Variants in WDR12 observed in about 807,000 individuals in gnomAD.
WDR12 encodes the protein ribosome biogenesis protein WDR12.
A neutral mutation model predicts 64.3 loss-of-function variants in WDR12; 42 were observed. The ratio of observed to expected loss-of-function variants is 0.65; its 90% CI spans 0.51 to 0.84. The LOEUF (loss-of-function observed/expected upper bound fraction) is 0.84, where lower values mean the gene tolerates loss of function less well. Ranked by LOEUF, WDR12 falls within the 40% of genes least tolerant of loss-of-function variation. WDR12 has a pLI of 0.00. For missense variants in WDR12, 469 were observed against 494.6 expected (o/e 0.95, Z 0.49); for synonymous variants, 158 against 173.3 (o/e 0.91, Z 0.70).
At chr2:202,901,169 T>G (rs1346683240) in intron 2 of WDR12, 50 bp from the exon 3 acceptor site, 3 of 1,440,212 alleles carry the variant, frequency 2.1e-6, no homozygotes, top group Non-Finnish European at 2.9e-6. Context: ...TAAAGTAATA[T>G]TGGCAGAGGT....
rs761330470 is a variant in WDR12 at position 202,884,466 on chromosome 2, T to C, written c.811A>G (p.Ile271Val). 5.0e-6 allele frequency: 8 copies of C among 1,614,210 alleles called. No individual in the cohort carries two copies. The South Asian group carries it at 7.7e-5, about 16-fold the overall frequency. Reference sequence around the variant, plus strand: ...GTATGGTCCCAAGATGCACTGCAGATTTCTTCAGCATCTGACCACAGAACT... The same window carrying C: ...GTATGGTCCCAAGATGCACTGCAGACTTCTTCAGCATCTGACCACAGAACT... ...SSVLWSDAEE[I>V]CSASWDHTIR... Residue 271 changes from isoleucine (I) to valine (V), a missense_variant, in exon 9 of 13, where the codon ATC (isoleucine) becomes GTC (valine). Transcript: ENST00000261015.
At chr2:202,894,506 G>GCCAC (rs1688206279) in intron 7 of WDR12, 75 bp downstream of exon 7, 2 of 1,310,790 alleles carry the variant, frequency 1.5e-6, no homozygotes, top group South Asian at 2.9e-5. Context: ...ATAGGCGTAA[G>GCCAC]CCACCATATA....
rs762104411 is a variant in WDR12 at position 202,876,024 on chromosome 2, GAAC to G, written c.*4833_*4835del. 3.9e-5 allele frequency: 6 copies of G among 152,286 alleles called. No homozygotes were observed. The highest frequency in any genetic ancestry group is 3.9e-4 in the Admixed American group (6 of 15,294). The allele number at this position is 152,286 out of a possible 1,614,324, so 9.4% of individuals were successfully genotyped here. On this transcript the variant is annotated 3_prime_UTR_variant, in exon 13 of 13. Transcript: ENST00000261015. Reference sequence around the variant, plus strand: ...CTGCAAATCATTGGAACTGCTATTAGAACAACCATTAGGTTTAATTCTGTAAAA... The same window carrying G: ...CTGCAAATCATTGGAACTGCTATTAGAACCATTAGGTTTAATTCTGTAAAA...
intron 2 of WDR12, among the ~76,000 whole-genome samples, chr2:202,905,209 G>A (rs1311400945): frequency 3.9e-5 from 6 of 152,124 alleles, no homozygotes; most frequent in African/African-American, 1.2e-4. Context: ...GCAGTGGCAC[G>A]AGCTCGGCTC....
chr2:202,891,587 C>T lies in WDR12; in HGVS notation c.741+1030G>A, dbSNP rs187668285. Among the ~76,000 whole-genome samples the T allele has an allele frequency of 5.9e-5, 9 of 152,172 alleles. No individual in the cohort carries two copies. In the East Asian group the frequency reaches 1.3e-3, roughly 23 times the overall value. On this transcript the variant is annotated intron_variant, in intron 8 of 12. Transcript: ENST00000261015. ...ATTACTTTCAGCTGGAACCAGTAAG[C>T]GCTAATATTACATTCTATTTGATAA...
intron 1 of WDR12, among the ~76,000 whole-genome samples, chr2:202,910,154 A>G (rs964164057): frequency 9.2e-5 from 14 of 152,174 alleles, no homozygotes; most frequent in Non-Finnish European, 1.5e-4. Flanking sequence ...ACACACACAC[A>G]TATGACATGT....
chr2:202,886,137 G>A (rs1167182950), intron 8 of WDR12, among the ~76,000 whole-genome samples: 2 of 148,758 alleles, frequency 1.3e-5, no homozygotes, highest in Admixed American at 1.3e-4. Flanking sequence ...GTGTGAACAA[G>A]AGAGATCTTG....
chr2:202,885,816 T>C (rs1688036368), intron 8 of WDR12, among the ~76,000 whole-genome samples: 1 of 151,990 alleles, frequency 6.6e-6, no homozygotes, highest in African/African-American at 2.4e-5. Flanking sequence ...TCTCAACGCT[T>C]TGGGAGGCTG....
chr2:202,896,305 T>C, intron 5 of WDR12, 86 bp from the exon 6 acceptor site: 1 of 1,408,248 alleles, frequency 7.1e-7, no homozygotes. Context: ...AACTAAATTT[T>C]TTTGTTGTTA....
rs1687830378 is a variant in WDR12 at position 202,874,863 on chromosome 2, A to G, written c.*5997T>C. The stretch of plus-strand genomic sequence containing the variant: ...TAGACACAATTCTAGAATTAGAATT[A>G]TTATGATGATTTTAAATGTGAAGTG... On this transcript the variant is annotated 3_prime_UTR_variant, in exon 13 of 13. Coordinates refer to ENST00000261015, the MANE Select transcript of WDR12 (RefSeq NM_018256.4). The G allele has an allele frequency of 6.6e-6, 1 of 152,240 alleles. No individual in the cohort carries two copies. The highest frequency in any genetic ancestry group is 6.5e-5 in the Admixed American group (1 of 15,286). The allele number at this position is 152,240 out of a possible 1,614,324, so 9.4% of individuals were successfully genotyped here.
chr2:202,892,569 G>C (rs1406434679), intron 8 of WDR12, 48 bp downstream of exon 8: 1 of 1,320,688 alleles, frequency 7.6e-7, no homozygotes, highest in Non-Finnish European at 1.1e-6. Flanking sequence ...CCATCTATTT[G>C]TCAACACAGG....
rs149483212 is a variant in WDR12 at position 202,875,880 on chromosome 2, A to T, written c.*4980T>A. 6.6e-6 allele frequency: 1 copy of T among 152,202 alleles called. No homozygotes were observed. Among genetic ancestry groups the T allele is most frequent in the Non-Finnish European group, 1.5e-5 (1 of 68,036 alleles). The allele number at this position is 152,202 out of a possible 1,614,324, so 9.4% of individuals were successfully genotyped here. Reference sequence around the variant, plus strand: ...TGTGACTGTTCAAAAACTTTAACATATATTTTTCTCTCCTATAAAATGCAA... The same window carrying T: ...TGTGACTGTTCAAAAACTTTAACATTTATTTTTCTCTCCTATAAAATGCAA... On this transcript the variant is annotated 3_prime_UTR_variant, in exon 13 of 13. Coordinates refer to ENST00000261015, the MANE Select transcript of WDR12 (RefSeq NM_018256.4).
In WDR12 at chr2:202,875,880, A is replaced by G. The variant is rs149483212; in HGVS notation, c.*4980T>C. 1.3e-5 allele frequency: 2 copies of G among 152,202 alleles called. No homozygotes were observed. Among genetic ancestry groups the G allele is most frequent in the East Asian group, 1.9e-4 (1 of 5,204 alleles). The allele number at this position is 152,202 out of a possible 1,614,324, so 9.4% of individuals were successfully genotyped here. A position where few individuals can be genotyped will look rare whatever the true frequency, so the allele number is the denominator to read the frequency against. ...TGTGACTGTTCAAAAACTTTAACAT[A>G]TATTTTTCTCTCCTATAAAATGCAA... On this transcript the variant is annotated 3_prime_UTR_variant, in exon 13 of 13. Transcript: ENST00000261015.
At chr2:202,908,594 G>A (rs1189995942) in intron 1 of WDR12, among the ~76,000 whole-genome samples, 1 of 152,206 alleles carries the variant, frequency 6.6e-6, no homozygotes, top group Non-Finnish European at 1.5e-5. Flanking sequence ...ATCTGACTTT[G>A]CTCCAAAGTG....
At position 202,878,355 on chromosome 2, in the gene WDR12, A is replaced by G. The variant is rs1687897670; in HGVS notation, c.*2505T>C. 6.6e-6 allele frequency: 1 copy of G among 152,230 alleles called. No individual in the cohort carries two copies. The highest frequency in any genetic ancestry group is 2.4e-5 in the African/African-American group (1 of 41,456). The allele number at this position is 152,230 out of a possible 1,614,324, so 9.4% of individuals were successfully genotyped here. ...TTTGAAGACCATCCAAAACAGGACT[A>G]GGAATTCATCTTTGTCCTCTCAAAG... On this transcript the variant is annotated 3_prime_UTR_variant, in exon 13 of 13. Transcript: ENST00000261015.
chr2:202,876,412 A>T lies in WDR12; in HGVS notation c.*4448T>A, dbSNP rs766491749. 17 of 152,202 alleles carry T rather than the reference A, an allele frequency of 1.1e-4. No homozygotes were observed. The highest frequency in any genetic ancestry group is 1.9e-4 in the Non-Finnish European group (13 of 68,024). The allele number at this position is 152,202 out of a possible 1,614,324, so 9.4% of individuals were successfully genotyped here. On this transcript the variant is annotated 3_prime_UTR_variant, in exon 13 of 13. Transcript: ENST00000261015. ...AATACTGTTATTGTGTTTGATACTT[A>T]ATCTATGATAGTCAAAAATGTCAAC... is the stretch of plus-strand genomic sequence containing the variant.
Position 202,880,743 on chromosome 2 carries a change from G to T in WDR12, c.*117C>A. 1 of 756,590 alleles carries T rather than the reference G, an allele frequency of 1.3e-6. No individual in the cohort carries two copies. Among genetic ancestry groups the T allele is most frequent in the Non-Finnish European group, 2.0e-6 (1 of 491,828 alleles). The allele number at this position is 756,590 out of a possible 1,614,324, so 46.9% of individuals were successfully genotyped here. A position where few individuals can be genotyped will look rare whatever the true frequency, so the allele number is the denominator to read the frequency against. On this transcript the variant is annotated 3_prime_UTR_variant, in exon 13 of 13. Coordinates refer to ENST00000261015, the MANE Select transcript of WDR12 (RefSeq NM_018256.4). ...TGATACGTTAGCTGTTATGAAGGGT[G>T]AAAACATTATATAAACTTCAAAAGG...
chr2:202,901,075 A>G lies in WDR12; in HGVS notation c.181T>C (p.Phe61Leu), dbSNP rs75565328. 4.5e-4 allele frequency: 717 copies of G among 1,601,532 alleles called. 3 individuals are homozygous for G. The highest frequency in any genetic ancestry group is 1.0e-3 in the Admixed American group (62 of 59,634). Residue 61 changes from phenylalanine (F) to leucine (L), a missense_variant, in exon 3 of 13, where the codon TTT becomes CTT. Phe to Leu is a conservative substitution (Grantham distance 22). Coordinates refer to ENST00000261015, the MANE Select transcript of WDR12 (RefSeq NM_018256.4). ...VEFDFLIKGQ[F>L]LRMPLDKHME... ...TGTTTGTCCAAGGGCATTCGCAGAAACTGGCCCTTAATAAGGAAATCAAAC... is the reference window on the plus strand; with the variant it reads ...TGTTTGTCCAAGGGCATTCGCAGAAGCTGGCCCTTAATAAGGAAATCAAAC...
intron 4 of WDR12, 38 bp from the exon 5 acceptor site, chr2:202,897,453 G>T: frequency 8.2e-7 from 1 of 1,223,070 alleles, no homozygotes; most frequent in Non-Finnish European, 1.1e-6. Context: ...ACAAAAAGCA[G>T]TTTTTCCAAA....
Sources: gnomAD v4.1 joint callset for allele counts (sites outside exome capture counted in the v4.1 genomes callset) on GRCh38, gnomAD v4.1.1 for gene constraint, MANE v1.5 for transcripts, NCBI Gene and HGNC (gene_info 2026-07-23, HGNC 2026-07-21) for gene names.